The following FOXL3 variants were observed in gnomAD, a reference collection of about 807,000 sequenced individuals.
FOXL3 encodes the protein forkhead box L3.
Under a neutral mutation model 10.9 loss-of-function variants are expected in FOXL3, and 16 were observed. That is an observed-to-expected ratio of 1.46 (90% confidence interval 0.99 to 2.22). FOXL3 has a LOEUF of 2.22. FOXL3 is among the 30% of genes most tolerant of loss of function. The pLI is 0.00. For missense variants in FOXL3, 400 were observed against 337.9 expected, an observed-to-expected ratio of 1.18 and a Z score of -1.44; for synonymous variants, 170 against 152.0, an observed-to-expected ratio of 1.12 and a Z score of -0.87.
intron 1 of FOXL3, 145 bp downstream of exon 1, chr7:290,421 G>T (rs1019092655): frequency 2.4e-6 from 2 of 835,834 alleles, no homozygotes; most frequent in Admixed American, 2.3e-5. Flanking sequence ...GGACGCATTT[G>T]TCCCTACTTT....
At position 291,090 on chromosome 7, in the gene FOXL3, G is replaced by T; in HGVS notation, c.304G>T (p.Gly102Cys). 7.0e-7 allele frequency: 1 copy of T among 1,423,348 alleles called. No individual in the cohort carries two copies. The highest frequency in any genetic ancestry group is 9.2e-7 in the Non-Finnish European group (1 of 1,089,818). The allele number at this position is 1,423,348 out of a possible 1,614,324, so 88.2% of individuals were successfully genotyped here. Residue 102 changes from glycine (G) to cysteine (C), a missense_variant, in exon 3 of 3, where the codon GGC (glycine) becomes TGC (cysteine). Gly to Cys is a radical substitution (Grantham distance 159, BLOSUM62 -3). Coordinates refer to ENST00000506382, the MANE Select transcript of FOXL3 (RefSeq NM_001374838.1). ...KVPRSEGHEK[G>C]KGNYWTFAGG... ...GCCGCGGTCCGAGGGCCACGAGAAGGGCAAAGGCAACTACTGGACGTTCGC... is the reference window on the plus strand; with the variant it reads ...GCCGCGGTCCGAGGGCCACGAGAAGTGCAAAGGCAACTACTGGACGTTCGC...
intron 2 of FOXL3, 114 bp from the exon 3 acceptor site, chr7:290,949 C>T: frequency 7.8e-7 from 1 of 1,275,802 alleles, no homozygotes; most frequent in Non-Finnish European, 1.0e-6. Context: ...ACGGGGCCGC[C>T]TCCACCTGCG....
Position 291,069 on chromosome 7 carries a change from C to T in FOXL3, c.283C>T (p.Arg95Trp), listed in dbSNP as rs1332491506. 1.4e-6 allele frequency: 2 copies of T among 1,405,334 alleles called. No homozygotes were observed. The highest frequency in any genetic ancestry group is 3.2e-5 in the East Asian group (1 of 31,604). 87.1% of individuals were successfully genotyped at this position (1,405,334 alleles called of 1,614,324 possible). A position where few individuals can be genotyped will look rare whatever the true frequency, so the allele number is the denominator to read the frequency against. Reference sequence around the variant, plus strand: ...CCTCCCTCCGCGCGCGCAGGTGCCGCGGTCCGAGGGCCACGAGAAGGGCAA... The same window carrying T: ...CCTCCCTCCGCGCGCGCAGGTGCCGTGGTCCGAGGGCCACGAGAAGGGCAA... ...SLNSCFVKVP[R>W]SEGHEKGKGN... Residue 95 changes from arginine (R) to tryptophan (W), a missense_variant, in exon 3 of 3, where the codon CGG (arginine) becomes TGG (tryptophan). Coordinates refer to ENST00000506382, the MANE Select transcript of FOXL3 (RefSeq NM_001374838.1).
At position 290,997 on chromosome 7, in the gene FOXL3, G is replaced by A. The variant is rs1309831725; in HGVS notation, c.277-66G>A. On this transcript the variant is annotated intron_variant, in intron 2 of 2. Transcript: ENST00000506382. ...CTCGCCCCGGTCCAGGGCGCCCCGA[G>A]GGGACAAGGCGGGCGGGCGCACCGT... 3.8e-5 allele frequency: 50 copies of A among 1,316,664 alleles called. 1 individual carries two copies. The South Asian group carries it at 7.8e-4, about 21-fold the overall frequency. The allele number at this position is 1,316,664 out of a possible 1,614,324, so 81.6% of individuals were successfully genotyped here.
In FOXL3 at chr7:291,171, C is replaced by A; in HGVS notation, c.385C>A (p.Arg129=). 7.8e-7 allele frequency: 1 copy of A among 1,277,768 alleles called. No homozygotes were observed. Among genetic ancestry groups the A allele is most frequent in the Non-Finnish European group, 9.9e-7 (1 of 1,011,168 alleles). 79.2% of individuals were successfully genotyped at this position (1,277,768 alleles called of 1,614,324 possible). ...CGAGAACGGCAACTACCGGCGGCGG[C>A]GGCGGCGGCGCGGCCCCAAGCGCGA... The part of the protein sequence containing the change: ...LFENGNYRRR[R]RRRGPKREGP... Residue 129 remains arginine, a synonymous_variant, in exon 3 of 3, where the codon CGG becomes AGG. Transcript: ENST00000506382.
intron 2 of FOXL3, 109 bp from the exon 3 acceptor site, chr7:290,954 C>G (rs1369760239): frequency 3.1e-6 from 4 of 1,276,126 alleles, no homozygotes; most frequent in Non-Finnish European, 4.0e-6. Context: ...GCCGCCTCCA[C>G]CTGCGCAGTG....
chr7:290,918 A>G (rs4077172), intron 2 of FOXL3, 97 bp downstream of exon 2: 1,043,848 of 1,301,210 alleles, frequency 0.8, 424,684 homozygotes, highest in Non-Finnish European at 0.83. Flanking sequence ...CGGCGGCTTC[A>G]GGGAGGTCCG....
rs1778608909 is a variant in FOXL3 at position 290,191 on chromosome 7, C to T, written c.22C>T (p.Pro8Ser). The T allele has an allele frequency of 6.5e-7, 1 of 1,535,726 alleles. No homozygotes were observed. Among genetic ancestry groups the T allele is most frequent in the Non-Finnish European group, 8.7e-7 (1 of 1,146,566 alleles). MFDSSQY[P>S]YNCFNYDADD... ...CAGGATGTTTGACAGCTCGCAGTAT[C>T]CCTACAACTGCTTCAATTACGACGC... Residue 8 changes from proline to serine, a missense_variant, in exon 1 of 3, where the codon CCC becomes TCC. By Grantham distance (74) the Pro-to-Ser change is moderately conservative (BLOSUM62 -1). Coordinates refer to ENST00000506382, the MANE Select transcript of FOXL3 (RefSeq NM_001374838.1).
At position 290,980 on chromosome 7, in the gene FOXL3, G is replaced by T; in HGVS notation, c.277-83G>T. On this transcript the variant is annotated intron_variant, in intron 2 of 2. Transcript: ENST00000506382. ...CTGCGCAGTGCGCCACCCTCGCCCCGGTCCAGGGCGCCCCGAGGGGACAAG... is the reference window on the plus strand; with the variant it reads ...CTGCGCAGTGCGCCACCCTCGCCCCTGTCCAGGGCGCCCCGAGGGGACAAG... 2.3e-6 allele frequency: 3 copies of T among 1,287,256 alleles called. No individual in the cohort carries two copies. The South Asian group carries it at 6.9e-5, about 30-fold the overall frequency. 79.7% of individuals were successfully genotyped at this position (1,287,256 alleles called of 1,614,324 possible).
Position 291,213 on chromosome 7 carries a change from C to T in FOXL3, c.427C>T (p.Arg143Cys). The T allele has an allele frequency of 3.4e-6, 4 of 1,168,068 alleles. No individual in the cohort carries two copies. The highest frequency in any genetic ancestry group is 2.1e-6 in the Non-Finnish European group (2 of 948,776). 72.4% of individuals were successfully genotyped at this position (1,168,068 alleles called of 1,614,324 possible). A position where few individuals can be genotyped will look rare whatever the true frequency, so the allele number is the denominator to read the frequency against. Reference protein sequence around the residue: ...GPKREGPRGPRAGGAQGPSGP... With the variant: ...GPKREGPRGPCAGGAQGPSGP... The stretch of plus-strand genomic sequence containing the variant: ...CAAGCGCGAGGGGCCGAGGGGTCCG[C>T]GCGCGGGGGGCGCCCAGGGGCCGTC... Residue 143 changes from arginine to cysteine, a missense_variant, in exon 3 of 3, where the codon CGC becomes TGC. By Grantham distance (180) the Arg-to-Cys change is radical (BLOSUM62 -3). Coordinates refer to ENST00000506382, the MANE Select transcript of FOXL3 (RefSeq NM_001374838.1).
chr7:290,378 C>G (rs1013213262), intron 1 of FOXL3, 102 bp downstream of exon 1: 1 of 962,944 alleles, frequency 1.0e-6, no homozygotes, highest in South Asian at 1.4e-5. Flanking sequence ...GGCGGGGGAG[C>G]TTTCTTCTCT....
chr7:291,193 G>T lies in FOXL3; in HGVS notation c.407G>T (p.Arg136Leu), dbSNP rs1298004041. 1 of 1,232,570 alleles carries T rather than the reference G, an allele frequency of 8.1e-7. No homozygotes were observed. 76.4% of individuals were successfully genotyped at this position (1,232,570 alleles called of 1,614,324 possible). Residue 136 changes from arginine to leucine, a missense_variant, in exon 3 of 3, where the codon CGC (arginine) becomes CTC (leucine). By Grantham distance (102) the Arg-to-Leu change is moderately radical. Coordinates refer to ENST00000506382, the MANE Select transcript of FOXL3 (RefSeq NM_001374838.1). ...CGGCGGCGGCGGCGCGGCCCCAAGCGCGAGGGGCCGAGGGGTCCGCGCGCG... is the reference window on the plus strand; with the variant it reads ...CGGCGGCGGCGGCGCGGCCCCAAGCTCGAGGGGCCGAGGGGTCCGCGCGCG... Reference protein sequence around the residue: ...RRRRRRRGPKREGPRGPRAGG... With the variant: ...RRRRRRRGPKLEGPRGPRAGG...
In FOXL3 at chr7:291,078, G is replaced by T; in HGVS notation, c.292G>T (p.Gly98Cys). The T allele has an allele frequency of 7.1e-7, 1 of 1,417,150 alleles. No individual in the cohort carries two copies. Among genetic ancestry groups the T allele is most frequent in the South Asian group, 1.4e-5 (1 of 72,062 alleles). The allele number at this position is 1,417,150 out of a possible 1,614,324, so 87.8% of individuals were successfully genotyped here. A position where few individuals can be genotyped will look rare whatever the true frequency, so the allele number is the denominator to read the frequency against. Residue 98 changes from glycine (G) to cysteine (C), a missense_variant, in exon 3 of 3, where the codon GGC becomes TGC. Coordinates refer to ENST00000506382, the MANE Select transcript of FOXL3 (RefSeq NM_001374838.1). ...SCFVKVPRSE[G>C]HEKGKGNYWT... ...GCGCGCGCAGGTGCCGCGGTCCGAG[G>T]GCCACGAGAAGGGCAAAGGCAACTA...
At position 291,382 on chromosome 7, in the gene FOXL3, T is replaced by A. The variant is rs530536291; in HGVS notation, c.596T>A (p.Ile199Asn). 1,643 of 1,317,268 alleles carry A rather than the reference T, an allele frequency of 1.2e-3. 2 individuals are homozygous for A. The highest frequency in any genetic ancestry group is 1.5e-3 in the Non-Finnish European group (1,540 of 1,032,808). The allele number at this position is 1,317,268 out of a possible 1,614,324, so 81.6% of individuals were successfully genotyped here. The change falls in exon 3 of 3, where the codon ATC becomes AAC. Residue 199 changes from isoleucine (I) to asparagine (N), a missense_variant. By Grantham distance (149) the Ile-to-Asn change is moderately radical. Coordinates refer to ENST00000506382, the MANE Select transcript of FOXL3 (RefSeq NM_001374838.1). ...PRDLKFSIDY[I>N]LSSPDPFPGL... ...GACCTCAAGTTCAGCATCGACTACA[T>A]CCTGTCCTCCCCAGACCCCTTCCCT...
rs1171210886 is a variant in FOXL3, at chr7:291,444, T to C, written c.658T>C (p.Tyr220His). 4.4e-5 allele frequency: 55 copies of C among 1,240,586 alleles called. No homozygotes were observed. Among genetic ancestry groups the C allele is most frequent in the South Asian group, 2.6e-4 (7 of 26,906 alleles). 76.8% of individuals were successfully genotyped at this position (1,240,586 alleles called of 1,614,324 possible). A position where few individuals can be genotyped will look rare whatever the true frequency, so the allele number is the denominator to read the frequency against. The stretch of plus-strand genomic sequence containing the variant: ...GCCCTGCCTCGCACAAGAGGGCAGA[T>C]ACCCGCGGCTGGAGAACGTGGGACT... ...KPPCLAQEGR[Y>H]PRLENVGLHF... is the part of the protein sequence containing the mutation. The change falls in exon 3 of 3, where the codon TAC (tyrosine) becomes CAC (histidine). Residue 220 changes from tyrosine (Y) to histidine (H), a missense_variant. Transcript: ENST00000506382.
In FOXL3 at chr7:291,351, C is replaced by T; in HGVS notation, c.565C>T (p.Pro189Ser). The change falls in exon 3 of 3, where the codon CCC becomes TCC. Residue 189 changes from proline (P) to serine (S), a missense_variant. Pro to Ser is a moderately conservative substitution (Grantham distance 74, BLOSUM62 -1). Coordinates refer to ENST00000506382, the MANE Select transcript of FOXL3 (RefSeq NM_001374838.1). ...CCCCGCTCCCCCGGGGAAGGAGCAC[C>T]CCCGGGACCTCAAGTTCAGCATCGA... is the stretch of plus-strand genomic sequence containing the variant. Reference protein sequence around the residue: ...ASPAPPGKEHPRDLKFSIDYI... With the variant: ...ASPAPPGKEHSRDLKFSIDYI... The T allele has an allele frequency of 7.6e-7, 1 of 1,309,274 alleles. No homozygotes were observed. Among genetic ancestry groups the T allele is most frequent in the Non-Finnish European group, 9.7e-7 (1 of 1,028,386 alleles). 81.1% of individuals were successfully genotyped at this position (1,309,274 alleles called of 1,614,324 possible).
intron 1 of FOXL3, 36 bp downstream of exon 1, chr7:290,312 A>G: frequency 6.8e-7 from 1 of 1,470,750 alleles, no homozygotes; most frequent in Non-Finnish European, 9.2e-7. Context: ...TTTGGGGGAC[A>G]GTGACACCCC....
chr7:290,787 G>T lies in FOXL3; in HGVS notation c.242G>T (p.Arg81Leu), dbSNP rs758210197. Residue 81 changes from arginine to leucine, a missense_variant, in exon 2 of 3, where the codon CGC (arginine) becomes CTC (leucine). Arg to Leu is a moderately radical substitution (Grantham distance 102, BLOSUM62 -2). Transcript: ENST00000506382. ...ANQRAWQNSI[R>L]HNLSLNSCFV... ...CAGCGCGCCTGGCAGAACTCCATCC[G>T]CCACAACCTGTCCCTCAACAGCTGC... is the stretch of plus-strand genomic sequence containing the variant. 1.1e-5 allele frequency: 16 copies of T among 1,517,932 alleles called. No individual in the cohort carries two copies. In the East Asian group the frequency reaches 1.8e-4, roughly 17 times the overall value. 94.0% of individuals were successfully genotyped at this position (1,517,932 alleles called of 1,614,324 possible).
rs1477732660 is a variant in FOXL3 at position 290,706 on chromosome 7, C to T, written c.161C>T (p.Thr54Ile). Residue 54 changes from threonine to isoleucine, a missense_variant, in exon 2 of 3, where the codon ACC becomes ATC. Thr to Ile is a moderately conservative substitution (Grantham distance 89). Coordinates refer to ENST00000506382, the MANE Select transcript of FOXL3 (RefSeq NM_001374838.1). The stretch of plus-strand genomic sequence containing the variant: ...CAGCAGAGCCCCGCGGGGAGGGTGA[C>T]CCTGTCCGGCATCTACGACTTCATC... ...AIQQSPAGRV[T>I]LSGIYDFIMR... 1 of 1,474,032 alleles carries T rather than the reference C, an allele frequency of 6.8e-7. No individual in the cohort carries two copies. Among genetic ancestry groups the T allele is most frequent in the Admixed American group, 2.4e-5 (1 of 40,922 alleles). 91.3% of individuals were successfully genotyped at this position (1,474,032 alleles called of 1,614,324 possible).
Sources: gnomAD v4.1 joint callset for allele counts on GRCh38, gnomAD v4.1.1 for gene constraint, MANE v1.5 for transcripts, NCBI Gene and HGNC (gene_info 2026-07-23, HGNC 2026-07-21) for gene names.